The following HNRNPLL variants were observed in gnomAD, a reference collection of about 807,000 sequenced individuals.
HNRNPLL encodes heterogeneous nuclear ribonucleoprotein L-like.
A neutral mutation model predicts 67.1 loss-of-function variants in HNRNPLL; 25 were observed. The ratio of observed to expected loss-of-function variants is 0.37; its 90% CI spans 0.27 to 0.52. The LOEUF is 0.52. HNRNPLL is among the 20% of genes least tolerant of loss of function. The pLI is 0.90. For synonymous variants in HNRNPLL, 267 were observed against 241.7 expected, an observed-to-expected ratio of 1.10 and a Z score of -0.97; for missense variants, 542 against 673.9, an observed-to-expected ratio of 0.80 and a Z score of 2.17.
intron 10 of HNRNPLL, 62 bp from the exon 11 acceptor site, chr2:38,568,505 G>T: frequency 9.2e-7 from 1 of 1,085,902 alleles, no homozygotes; most frequent in Non-Finnish European, 1.4e-6. Context: ...CTTTTTTACA[G>T]AAAGTAAACT....
rs541155820 is a variant in HNRNPLL at position 38,572,787 on chromosome 2, C to A, written c.1092+423G>T. Among the ~76,000 whole-genome samples, 5 of 152,112 alleles carry A rather than the reference C, an allele frequency of 3.3e-5. 1 individual carries two copies. The South Asian group carries it at 1.0e-3, about 32-fold the overall frequency. ...AACCCTGGCATTTAGGAAGCAAGTG[C>A]ATAAATTCTAGAACTCTTCTGAAAT... On this transcript the variant is annotated intron_variant, in intron 8 of 12. Coordinates refer to ENST00000449105, the MANE Select transcript of HNRNPLL (RefSeq NM_138394.4).
intron 1 of HNRNPLL, among the ~76,000 whole-genome samples, chr2:38,593,096 C>A (rs1667026682): frequency 6.6e-6 from 1 of 152,200 alleles, no homozygotes; most frequent in African/African-American, 2.4e-5. Context: ...AAACTCAGTC[C>A]TTTGCCAATA....
chr2:38,602,722 C>G lies in HNRNPLL; in HGVS notation c.-96G>C. On this transcript the variant is annotated 5_prime_UTR_variant, in exon 1 of 13. Coordinates refer to ENST00000449105, the MANE Select transcript of HNRNPLL (RefSeq NM_138394.4). ...GGCCAGTCCTCGCCGCCGGCAGCGC[C>G]TCTTCTGCGAGGGTCTCCGCGGCCC... is the stretch of plus-strand genomic sequence containing the variant. 6 of 1,447,554 alleles carry G rather than the reference C, an allele frequency of 4.1e-6. No individual in the cohort carries two copies. The highest frequency in any genetic ancestry group is 1.5e-5 in the African/African-American group (1 of 66,964). The allele number at this position is 1,447,554 out of a possible 1,614,324, so 89.7% of individuals were successfully genotyped here.
intron 6 of HNRNPLL, chr2:38,581,675 G>C: frequency 1.9e-6 from 1 of 533,302 alleles, no homozygotes. Context: ...TTGAACTGCG[G>C]GCGTGCCTGA....
chr2:38,593,841 C>T (rs1284570783), intron 1 of HNRNPLL, among the ~76,000 whole-genome samples: 6 of 145,966 alleles, frequency 4.1e-5, no homozygotes, highest in African/African-American at 1.3e-4. Flanking sequence ...CCAGACTGGG[C>T]GACGGAGTGA....
intron 1 of HNRNPLL, among the ~76,000 whole-genome samples, chr2:38,598,890 G>C (rs1359316166): frequency 6.6e-6 from 1 of 152,188 alleles, no homozygotes; most frequent in Non-Finnish European, 1.5e-5. Flanking sequence ...GGAGACACAA[G>C]ACACTACTGC....
rs1410229179 is a variant in HNRNPLL, at chr2:38,563,421, TGTTA to T, written c.*757_*760del. 6.6e-6 allele frequency: 1 copy of T among 152,150 alleles called. No individual in the cohort carries two copies. The highest frequency in any genetic ancestry group is 2.4e-5 in the African/African-American group (1 of 41,460). 9.4% of individuals were successfully genotyped at this position (152,150 alleles called of 1,614,324 possible). A position where few individuals can be genotyped will look rare whatever the true frequency, so the allele number is the denominator to read the frequency against. ...CCAGATTATTATCTATAAGAGGAAC[TGTTA>T]ATTATAACCTCTATTAAAATCTCAA... On this transcript the variant is annotated 3_prime_UTR_variant, in exon 13 of 13. Transcript: ENST00000449105.
intron 1 of HNRNPLL, among the ~76,000 whole-genome samples, chr2:38,595,226 G>C (rs1365985345): frequency 7.1e-6 from 1 of 140,382 alleles, no homozygotes; most frequent in Non-Finnish European, 1.5e-5. Context: ...GTTGCAGTGA[G>C]CCAAGATCGT....
At chr2:38,581,799 C>T (rs1219184362) in intron 6 of HNRNPLL, 114 bp downstream of exon 6, 6 of 725,830 alleles carry the variant, frequency 8.3e-6, no homozygotes, top group Non-Finnish European at 1.4e-5. Context: ...CAAAAGCATT[C>T]ATCAACAAGG....
At chr2:38,585,918 G>C (rs775213362) in intron 2 of HNRNPLL, 37 bp from the exon 3 acceptor site, 4 of 1,208,920 alleles carry the variant, frequency 3.3e-6, no homozygotes, top group East Asian at 2.3e-5. Context: ...CACAAACACA[G>C]CAAGTTCCGT....
At chr2:38,573,664 C>T (rs1173187495) in intron 7 of HNRNPLL, among the ~76,000 whole-genome samples, 2 of 151,932 alleles carry the variant, frequency 1.3e-5, no homozygotes, top group South Asian at 2.1e-4. Flanking sequence ...ATACACCAGG[C>T]TATAAGCTTA....
chr2:38,570,212 G>C (rs1007840772), intron 8 of HNRNPLL, among the ~76,000 whole-genome samples: 2 of 152,266 alleles, frequency 1.3e-5, no homozygotes, highest in Middle Eastern at 3.4e-3. Flanking sequence ...CTGAGCCATG[G>C]ATTGTCGCTG....
At position 38,585,663 on chromosome 2, in the gene HNRNPLL, G is replaced by T. The variant is rs779130914; in HGVS notation, c.527C>A (p.Pro176Gln). ...ACATACCACTGTAATTGGATAAAGC[G>T]GATTCTGAATTGAGAGCAGAAGAAC... is the stretch of plus-strand genomic sequence containing the variant. The part of the protein sequence containing the change: ...NKVLLLSIQN[P>Q]LYPITVDVLY... The change falls in exon 3 of 13, where the codon CCG becomes CAG. Residue 176 changes from proline (P) to glutamine (Q), a missense_variant. Transcript: ENST00000449105. The T allele has an allele frequency of 6.3e-6, 10 of 1,598,972 alleles. No homozygotes were observed. Among genetic ancestry groups the T allele is most frequent in the Non-Finnish European group, 8.6e-6 (10 of 1,166,238 alleles).
intron 8 of HNRNPLL, among the ~76,000 whole-genome samples, chr2:38,572,648 G>C (rs1281667460): frequency 6.6e-6 from 1 of 152,016 alleles, no homozygotes; most frequent in Non-Finnish European, 1.5e-5. Flanking sequence ...AATTATTAAA[G>C]ACCTTCAAAA....
chr2:38,574,332 A>G (rs1392579186), intron 7 of HNRNPLL, among the ~76,000 whole-genome samples: 1 of 151,880 alleles, frequency 6.6e-6, no homozygotes, highest in East Asian at 1.9e-4. Flanking sequence ...CAAAAGCAGC[A>G]ACTAAGATGG....
At chr2:38,600,588 C>T (rs1332245914) in intron 1 of HNRNPLL, among the ~76,000 whole-genome samples, 2 of 151,910 alleles carry the variant, frequency 1.3e-5, no homozygotes, top group African/African-American at 4.8e-5. Flanking sequence ...AAAAAATTGG[C>T]CCGGCGTGGT....
intron 12 of HNRNPLL, among the ~76,000 whole-genome samples, chr2:38,566,837 T>A (rs899049386): frequency 3.4e-4 from 50 of 147,184 alleles, no homozygotes; most frequent in African/African-American, 1.2e-3. Flanking sequence ...AAAAAAAAAT[T>A]AAAAATAAAA....
intron 12 of HNRNPLL, among the ~76,000 whole-genome samples, chr2:38,564,441 G>A (rs892335298): frequency 4.6e-5 from 7 of 151,572 alleles, no homozygotes; most frequent in African/African-American, 1.7e-4. Flanking sequence ...CTAATGAAGT[G>A]AAACCCCGCC....
intron 1 of HNRNPLL, among the ~76,000 whole-genome samples, chr2:38,601,299 CT>C (rs912883828): frequency 3.3e-5 from 5 of 151,242 alleles, no homozygotes; most frequent in Middle Eastern, 3.4e-3. Context: ...ACTGACCAGC[CT>C]TTTTTTTTAT....
Sources: gnomAD v4.1 joint callset for allele counts (sites outside exome capture counted in the v4.1 genomes callset) on GRCh38, gnomAD v4.1.1 for gene constraint, MANE v1.5 for transcripts, NCBI Gene and HGNC (gene_info 2026-07-23, HGNC 2026-07-21) for gene names.